The following CDH17 variants were observed in gnomAD, a reference collection of about 807,000 sequenced individuals.
CDH17 encodes the protein cadherin-17.
A neutral mutation model predicts 86.3 loss-of-function variants in CDH17; 67 were observed. That is an observed-to-expected ratio of 0.78 (90% CI 0.64 to 0.95). The LOEUF (loss-of-function observed/expected upper bound fraction) is 0.95, where lower values mean the gene tolerates loss of function less well. Among genes scored for constraint, CDH17 ranks in the 40% least tolerant of loss-of-function variants. The pLI is 0.00. For synonymous variants in CDH17, 367 were observed against 366.4 expected (o/e 1.00, Z -0.02); for missense variants, 993 against 1,017.6 (o/e 0.98, Z 0.33).
chr8:94,178,854 T>A (rs924928916), intron 3 of CDH17, among the ~76,000 whole-genome samples: 1 of 152,124 alleles, frequency 6.6e-6, no homozygotes, highest in Admixed American at 6.5e-5. Flanking sequence ...ATTGTTTATA[T>A]AATAAATGAA....
chr8:94,147,342 G>A (rs180997685), intron 14 of CDH17, among the ~76,000 whole-genome samples: 12 of 152,284 alleles, frequency 7.9e-5, no homozygotes, highest in South Asian at 2.1e-4. Flanking sequence ...CTGGCACACC[G>A]TTCTGCATTC....
At chr8:94,200,630 A>T (rs148347148) in intron 1 of CDH17, among the ~76,000 whole-genome samples, 41 of 141,702 alleles carry the variant, frequency 2.9e-4, no homozygotes, top group Admixed American at 2.6e-3. Context: ...CCCTCACCCA[A>T]TGGGCACCAC....
At chr8:94,173,222 C>G (rs1007067035) in intron 7 of CDH17, among the ~76,000 whole-genome samples, 1 of 152,168 alleles carries the variant, frequency 6.6e-6, no homozygotes, top group Non-Finnish European at 1.5e-5. Flanking sequence ...CTCCAAATCT[C>G]ATGTTGAAAC....
At chr8:94,169,801 A>C (rs1374805259) in intron 9 of CDH17, among the ~76,000 whole-genome samples, 1 of 152,236 alleles carries the variant, frequency 6.6e-6, no homozygotes, top group African/African-American at 2.4e-5. Flanking sequence ...CTAAAAAGCT[A>C]TCACAGGACA....
chr8:94,153,145 A>G (rs1442427219), intron 12 of CDH17, among the ~76,000 whole-genome samples: 1 of 152,228 alleles, frequency 6.6e-6, no homozygotes, highest in Non-Finnish European at 1.5e-5. Flanking sequence ...AATATAAAAA[A>G]TTTATAAGGA....
At chr8:94,208,007 T>A (rs1814062196) in intron 1 of CDH17, among the ~76,000 whole-genome samples, 1 of 152,228 alleles carries the variant, frequency 6.6e-6, no homozygotes, top group Non-Finnish European at 1.5e-5. Context: ...CCTCCCTTGC[T>A]GTGTCCTAGA....
chr8:94,144,530 C>T (rs2514798), intron 15 of CDH17, among the ~76,000 whole-genome samples: 4 of 151,718 alleles, frequency 2.6e-5, no homozygotes, highest in African/African-American at 9.7e-5. Flanking sequence ...ACAAAAATTA[C>T]CTTAAAAAGG....
Position 94,128,313 on chromosome 8 carries a change from C to T in CDH17, c.2426G>A (p.Arg809His), listed in dbSNP as rs201729274. ...IGIILAVVFI[R>H]IKKDKGKDNV... ...ATCTTTGCCTTTATCCTTCTTTATG[C>T]GGATAAACACAACTGCTAAAATTAT... Residue 809 changes from arginine (R) to histidine (H), a missense_variant, in exon 18 of 18, where the codon CGC becomes CAC. Arg to His is a conservative substitution (Grantham distance 29, BLOSUM62 0). Coordinates refer to ENST00000027335, the MANE Select transcript of CDH17 (RefSeq NM_004063.4). The T allele has an allele frequency of 3.4e-5, 55 of 1,610,958 alleles. No individual in the cohort carries two copies. Among genetic ancestry groups the T allele is most frequent in the Middle Eastern group, 3.3e-4 (2 of 6,078 alleles).
chr8:94,199,719 G>A (rs749256952), intron 1 of CDH17, among the ~76,000 whole-genome samples: 10 of 152,084 alleles, frequency 6.6e-5, no homozygotes, highest in Non-Finnish European at 1.3e-4. Flanking sequence ...CACGTAGGGT[G>A]CCATGATTTA....
chr8:94,167,439 G>T (rs1469299173), intron 9 of CDH17, among the ~76,000 whole-genome samples: 1 of 152,144 alleles, frequency 6.6e-6, no homozygotes, highest in Non-Finnish European at 1.5e-5. Flanking sequence ...GAAATTTAGA[G>T]GTTTTTTGGT....
At chr8:94,131,313 A>G (rs139954553) in intron 15 of CDH17, among the ~76,000 whole-genome samples, 100 of 152,348 alleles carry the variant, frequency 6.6e-4, no homozygotes, top group East Asian at 3.5e-3. Flanking sequence ...TCCTAGAGGA[A>G]AGACAGGGTT....
Sources: allele counts gnomAD v4.1 joint callset (sites outside exome capture counted in the v4.1 genomes callset), GRCh38; gene constraint gnomAD v4.1.1; transcripts MANE v1.5; gene names NCBI Gene and HGNC (gene_info 2026-07-23, HGNC 2026-07-21).